WDR88: variants seen among roughly 807,000 people sequenced by gnomAD.
WDR88 encodes the protein WD repeat-containing protein 88.
Under a neutral mutation model 46.8 loss-of-function variants are expected in WDR88, and 40 were observed. That is an observed-to-expected ratio of 0.86 (90% CI 0.66 to 1.11). The LOEUF (loss-of-function observed/expected upper bound fraction) is 1.11, where lower values mean the gene tolerates loss of function less well. Among genes scored for constraint, WDR88 ranks in the 50% most tolerant of loss-of-function variants. WDR88 has a pLI of 0.00. For missense variants in WDR88, 562 were observed against 602.4 expected (o/e 0.93, Z 0.70); for synonymous variants, 235 against 240.7 (o/e 0.98, Z 0.22).
At chr19:33,164,360 G>A (rs369637390) in intron 9 of WDR88, 95 bp downstream of exon 9, 49 of 1,180,568 alleles carry the variant, frequency 4.2e-5, no homozygotes, top group African/African-American at 6.0e-5. Context: ...GGGTGGGTTC[G>A]GTGAGCTGTA....
At chr19:33,135,056 T>TGG (rs922291230) in intron 1 of WDR88, among the ~76,000 whole-genome samples, 1 of 19,632 alleles carries the variant, frequency 5.1e-5, no homozygotes, top group Non-Finnish European at 2.8e-4. Context: ...GGTGGGTGGG[T>TGG]GGGGGGGGTG....
chr19:33,168,234 G>A (rs1035205245), intron 9 of WDR88, among the ~76,000 whole-genome samples: 2 of 151,266 alleles, frequency 1.3e-5, no homozygotes, highest in Admixed American at 1.3e-4. Context: ...CACCATGTTG[G>A]CAAGGGTGGT....
In WDR88 at chr19:33,133,246, AGG is replaced by A. The variant is rs375558592; in HGVS notation, c.276+802_276+803del. 1.0e-3 allele frequency among the ~76,000 whole-genome samples: 118 copies of A among 117,692 alleles called. 2 individuals are homozygous for A. The highest frequency in any genetic ancestry group is 3.7e-4 in the Admixed American group (3 of 8,106). 77.2% of individuals were successfully genotyped at this position (117,692 alleles called of 152,430 possible). ...AAAGAAAAAGAAAAAGAAAGAAAGA[AGG>A]AGAAAGAAAGAAAAACTGGCTGGGT... On this transcript the variant is annotated intron_variant, in intron 1 of 10. Coordinates refer to ENST00000355868, the MANE Select transcript of WDR88 (RefSeq NM_173479.4).
chr19:33,149,971 T>C (rs1263216726), intron 5 of WDR88, among the ~76,000 whole-genome samples: 1 of 152,040 alleles, frequency 6.6e-6, no homozygotes, highest in Non-Finnish European at 1.5e-5. Flanking sequence ...ATTTTTAAAA[T>C]ATAGGACTTA....
intron 10 of WDR88, chr19:33,174,427 GTGGGAA>G: frequency 1.2e-5 from 17 of 1,383,338 alleles, no homozygotes; most frequent in Non-Finnish European, 1.4e-5. Flanking sequence ...ACCATGCATG[GTGGGAA>G]CCCCTGAGGG....
rs993894810 is a variant in WDR88, at chr19:33,172,358, T to C, written c.1160T>C (p.Met387Thr). 10 of 1,613,374 alleles carry C rather than the reference T, an allele frequency of 6.2e-6. No homozygotes were observed. Among genetic ancestry groups the C allele is most frequent in the Non-Finnish European group, 8.5e-6 (10 of 1,179,458 alleles). ...WILSASKDRT[M>T]RLWNIEEIDE... ...TGCTATTTGTTTTAGGATAGGACCA[T>C]GAGACTGTGGAATATTGAAGAAATT... Residue 387 changes from methionine to threonine, a missense_variant, in exon 10 of 11, where the codon ATG becomes ACG. Transcript: ENST00000355868.
chr19:33,173,656 C>T (rs1974077140), intron 10 of WDR88, among the ~76,000 whole-genome samples: 1 of 152,226 alleles, frequency 6.6e-6, no homozygotes, highest in Non-Finnish European at 1.5e-5. Context: ...GTGGGACTCA[C>T]ATGGACCTTG....
chr19:33,155,565 G>A lies in WDR88; in HGVS notation c.810-790G>A, dbSNP rs182202729. On this transcript the variant is annotated intron_variant, in intron 6 of 10. Coordinates refer to ENST00000355868, the MANE Select transcript of WDR88 (RefSeq NM_173479.4). The stretch of plus-strand genomic sequence containing the variant: ...ATAGTTGGGGTGGAGAAGCAGAGGA[G>A]TAAGTAAGAGAGGGGTGGAACAGGG... Among the ~76,000 whole-genome samples the A allele has an allele frequency of 4.6e-5, 7 of 152,284 alleles. No homozygotes were observed. The East Asian group carries it at 7.7e-4, about 17-fold the overall frequency.
intron 8 of WDR88, 85 bp downstream of exon 8, chr19:33,160,581 C>A (rs1973848951): frequency 7.1e-7 from 1 of 1,417,092 alleles, no homozygotes; most frequent in East Asian, 2.3e-5. Flanking sequence ...GGGGACACAG[C>A]TGTGAGTGAC....
Position 33,172,325 on chromosome 19 carries a change from C to T in WDR88, c.1150-23C>T, listed in dbSNP as rs376370070. On this transcript the variant is annotated intron_variant, in intron 9 of 10. Coordinates refer to ENST00000355868, the MANE Select transcript of WDR88 (RefSeq NM_173479.4). ...GATGTACCACAGCCTGTTTTGTGAC[C>T]GCTGGTTTGCTATTTGTTTTAGGAT... The T allele has an allele frequency of 7.7e-5, 122 of 1,591,442 alleles. 1 individual carries two copies. The highest frequency in any genetic ancestry group is 5.8e-4 in the South Asian group (52 of 90,084).
At chr19:33,135,537 G>C (rs993784120) in intron 1 of WDR88, among the ~76,000 whole-genome samples, 1 of 152,046 alleles carries the variant, frequency 6.6e-6, no homozygotes, top group Non-Finnish European at 1.5e-5. Context: ...TCCAGTCTCA[G>C]TCTCCCAGTA....
At chr19:33,134,158 C>T (rs1279210396) in intron 1 of WDR88, among the ~76,000 whole-genome samples, 2 of 152,124 alleles carry the variant, frequency 1.3e-5, no homozygotes, top group Non-Finnish European at 2.9e-5. Context: ...TCTCTGCAGC[C>T]CCTGGGACCC....
chr19:33,133,193 A>AT lies in WDR88; in HGVS notation c.276+748_276+749insT, dbSNP rs1568355825. Among the ~76,000 whole-genome samples the AT allele has an allele frequency of 5.1e-3, 215 of 42,160 alleles. 2 individuals carry two copies. Among genetic ancestry groups the AT allele is most frequent in the South Asian group, 0.013 (25 of 1,852 alleles). The allele number at this position is 42,160 out of a possible 152,430, so 27.7% of individuals were successfully genotyped here. ...TAAATAAATAAATAAATAAATAAAT[A>AT]AATATAGAGAGAGAGAGAGAAAGAA... is the stretch of plus-strand genomic sequence containing the variant. On this transcript the variant is annotated intron_variant, in intron 1 of 10. Transcript: ENST00000355868.
intron 6 of WDR88, among the ~76,000 whole-genome samples, chr19:33,154,908 G>C (rs1477004594): frequency 6.6e-6 from 1 of 152,070 alleles, no homozygotes; most frequent in Admixed American, 6.6e-5. Context: ...GAACCAAAAT[G>C]GGTTCCAAAA....
chr19:33,135,452 TC>T (rs1351892838), intron 1 of WDR88, among the ~76,000 whole-genome samples: 2 of 152,182 alleles, frequency 1.3e-5, no homozygotes. Context: ...GGAGTCTCGC[TC>T]TGTTGCCCAG....
At chr19:33,167,468 T>C (rs1286880239) in intron 9 of WDR88, among the ~76,000 whole-genome samples, 2 of 152,114 alleles carry the variant, frequency 1.3e-5, no homozygotes, top group African/African-American at 4.8e-5. Flanking sequence ...TGATTCTCAG[T>C]GGTAAAAGAC....
At chr19:33,139,499 G>A (rs1168676270) in intron 2 of WDR88, among the ~76,000 whole-genome samples, 2 of 152,154 alleles carry the variant, frequency 1.3e-5, no homozygotes, top group African/African-American at 4.8e-5. Flanking sequence ...CTGGGTTCTG[G>A]TTTGGGTAAC....
Position 33,175,758 on chromosome 19 carries a change from C to T in WDR88, c.*186C>T. On this transcript the variant is annotated 3_prime_UTR_variant, in exon 11 of 11. Transcript: ENST00000355868. Reference sequence around the variant, plus strand: ...CAGCTCTCAGCTTGGGGAGTGAACACTTTCCGTTTTCATGCAGAATAAATC... The same window carrying T: ...CAGCTCTCAGCTTGGGGAGTGAACATTTTCCGTTTTCATGCAGAATAAATC... 1.6e-6 allele frequency: 1 copy of T among 614,796 alleles called. No individual in the cohort carries two copies. Among genetic ancestry groups the T allele is most frequent in the Non-Finnish European group, 2.8e-6 (1 of 352,458 alleles). 38.1% of individuals were successfully genotyped at this position (614,796 alleles called of 1,614,324 possible).
intron 6 of WDR88, among the ~76,000 whole-genome samples, chr19:33,155,350 A>G (rs919811366): frequency 6.6e-6 from 1 of 152,300 alleles, no homozygotes; most frequent in Non-Finnish European, 1.5e-5. Context: ...TATGTTGCCC[A>G]GGCTGGTGTC....
Sources: allele counts gnomAD v4.1 joint callset (sites outside exome capture counted in the v4.1 genomes callset), GRCh38; gene constraint gnomAD v4.1.1; transcripts MANE v1.5; gene names NCBI Gene and HGNC (gene_info 2026-07-23, HGNC 2026-07-21).